Variants in PRRX1 observed in about 807,000 individuals in gnomAD.
The protein encoded by PRRX1 is paired mesoderm homeobox protein 1.
Under a neutral mutation model 24.0 loss-of-function variants are expected in PRRX1, and 8 were observed. The observed-to-expected ratio is 0.33, with a 90% CI of 0.20 to 0.60. The LOEUF (loss-of-function observed/expected upper bound fraction) is 0.60, where lower values mean the gene tolerates loss of function less well. Ranked by LOEUF, PRRX1 falls within the 20% of genes least tolerant of loss-of-function variation. The pLI is 0.82. For missense variants in PRRX1, 281 were observed against 322.4 expected, an observed-to-expected ratio of 0.87 and a Z score of 0.98; for synonymous variants, 160 against 131.7, an observed-to-expected ratio of 1.22 and a Z score of -1.47.
At chr1:170,698,208 C>A (rs893066807) in intron 1 of PRRX1, among the ~76,000 whole-genome samples, 6 of 152,100 alleles carry the variant, frequency 3.9e-5, no homozygotes, top group Admixed American at 3.3e-4. Context: ...ACTCCAGGAC[C>A]ATTTCAAACC....
chr1:170,663,936 C>T (rs575076186), upstream of PRRX1: 327 of 451,334 alleles, frequency 7.2e-4, 1 homozygote, highest in Non-Finnish European at 1.0e-3. Context: ...TGTGGATTAT[C>T]TCTTTGGACC....
At position 170,732,537 on chromosome 1, in the gene PRRX1, G is replaced by C. The variant is rs575536164; in HGVS notation, c.600-3511G>C. On this transcript the variant is annotated intron_variant, in intron 3 of 3. Coordinates refer to ENST00000239461, the MANE Select transcript of PRRX1 (RefSeq NM_022716.4). The stretch of plus-strand genomic sequence containing the variant: ...TCCAAGGACTGCTCACTGCTTGCCT[G>C]TATGGCACCCTTAGCTCAAATTGAG... 7.2e-5 allele frequency among the ~76,000 whole-genome samples: 11 copies of C among 152,274 alleles called. No individual in the cohort carries two copies. In the East Asian group the frequency reaches 2.1e-3, roughly 29 times the overall value.
intron 1 of PRRX1, chr1:170,668,498 G>A (rs536707613): frequency 6.6e-6 from 1 of 152,354 alleles, no homozygotes; most frequent in African/African-American, 2.4e-5. Context: ...TGCACCCGGC[G>A]CAGCTGGCTC....
rs1267656118 is a variant in PRRX1 at position 170,738,491 on chromosome 1, C to T, written c.*2305C>T. On this transcript the variant is annotated 3_prime_UTR_variant, in exon 4 of 4. Coordinates refer to ENST00000239461, the MANE Select transcript of PRRX1 (RefSeq NM_022716.4). ...CTGAACAGCACGCATTACTTGCTTCCTGAAGAGTTCCCCCATTCATCCATT... is the reference window on the plus strand; with the variant it reads ...CTGAACAGCACGCATTACTTGCTTCTTGAAGAGTTCCCCCATTCATCCATT... The T allele has an allele frequency of 4.4e-6, 1 of 228,758 alleles. No individual in the cohort carries two copies. Among genetic ancestry groups the T allele is most frequent in the Non-Finnish European group, 8.7e-6 (1 of 115,390 alleles). The allele number at this position is 228,758 out of a possible 1,614,324, so 14.2% of individuals were successfully genotyped here.
intron 1 of PRRX1, among the ~76,000 whole-genome samples, chr1:170,717,092 T>C (rs1654929365): frequency 6.6e-6 from 1 of 152,258 alleles, no homozygotes; most frequent in Non-Finnish European, 1.5e-5. Flanking sequence ...CCAGACTCCC[T>C]GGATCCCTGT....
Position 170,681,065 on chromosome 1 carries a change from G to A in PRRX1, c.241+16606G>A, listed in dbSNP as rs183939610. ...GATTCCACTTAACTTGTGCCTTTGG[G>A]TCTCTTAATGGAAGAAGGGAACTAA... On this transcript the variant is annotated intron_variant, in intron 1 of 3. Coordinates refer to ENST00000239461, the MANE Select transcript of PRRX1 (RefSeq NM_022716.4). Among the ~76,000 whole-genome samples the A allele has an allele frequency of 3.0e-3, 463 of 152,276 alleles. 2 individuals are homozygous for A. The highest frequency in any genetic ancestry group is 4.0e-3 in the Non-Finnish European group (270 of 68,012).
In PRRX1 at chr1:170,666,454, C is replaced by T. The variant is rs146111196; in HGVS notation, c.241+1995C>T. Reference sequence around the variant, plus strand: ...AAAAAAAAAAAAGTAGGGAGAACAGCATTTGGTGTAGACCCCAGCTTCACC... The same window carrying T: ...AAAAAAAAAAAAGTAGGGAGAACAGTATTTGGTGTAGACCCCAGCTTCACC... On this transcript the variant is annotated intron_variant, in intron 1 of 3. Coordinates refer to ENST00000239461, the MANE Select transcript of PRRX1 (RefSeq NM_022716.4). Among the ~76,000 whole-genome samples the T allele has an allele frequency of 4.0e-3, 594 of 148,758 alleles. 9 individuals carry two copies. Among genetic ancestry groups the T allele is most frequent in the Non-Finnish European group, 6.3e-3 (425 of 67,466 alleles).
intron 1 of PRRX1, among the ~76,000 whole-genome samples, chr1:170,714,598 T>G (rs1327320915): frequency 6.6e-6 from 1 of 152,202 alleles, no homozygotes; most frequent in East Asian, 1.9e-4. Flanking sequence ...GGCTGACCAA[T>G]GATTTGGAAT....
At chr1:170,727,350 A>T (rs1246960395) in intron 3 of PRRX1, 1 of 152,168 alleles carries the variant, frequency 6.6e-6, no homozygotes, top group Non-Finnish European at 1.5e-5. Flanking sequence ...TTGAAAATAT[A>T]CCTGAGTACT....
intron 1 of PRRX1, among the ~76,000 whole-genome samples, chr1:170,677,839 G>T (rs1462723715): frequency 2.0e-5 from 3 of 152,098 alleles, no homozygotes; most frequent in Non-Finnish European, 2.9e-5. Context: ...ATTTTACAGG[G>T]ATTTAAGATG....
intron 2 of PRRX1, among the ~76,000 whole-genome samples, chr1:170,722,326 G>A (rs1460311634): frequency 1.3e-5 from 2 of 152,182 alleles, no homozygotes; most frequent in East Asian, 1.9e-4. Flanking sequence ...CCTCTTGGAT[G>A]GAGGCCATGT....
upstream of PRRX1, chr1:170,664,045 A>AT (rs11286665): frequency 0.22 from 117,147 of 537,150 alleles, 5,598 homozygotes; most frequent in South Asian, 0.32. Flanking sequence ...CTCTTTTCCA[A>AT]TTTTTTTTTT....
At position 170,664,148 on chromosome 1, in the gene PRRX1, C is replaced by T. The variant is rs529171039; in HGVS notation, c.-71C>T. 2.0e-6 allele frequency: 3 copies of T among 1,510,694 alleles called. No homozygotes were observed. The highest frequency in any genetic ancestry group is 1.4e-5 in the African/African-American group (1 of 72,866). The allele number at this position is 1,510,694 out of a possible 1,614,324, so 93.6% of individuals were successfully genotyped here. On this transcript the variant is annotated 5_prime_UTR_variant, in exon 1 of 4. Transcript: ENST00000239461. ...TCTTCCCCACTCGGCTCCTCTCCCC[C>T]CTCGCGCCCACAGCGTTTGGTGTTG...
chr1:170,667,616 G>A (rs943664293), intron 1 of PRRX1: 1 of 152,184 alleles, frequency 6.6e-6, no homozygotes, highest in East Asian at 1.9e-4. Flanking sequence ...CAGGGAAGAG[G>A]GGAGTGTCTC....
At chr1:170,673,579 C>T (rs1409870039) in intron 1 of PRRX1, among the ~76,000 whole-genome samples, 1 of 152,240 alleles carries the variant, frequency 6.6e-6, no homozygotes, top group Admixed American at 6.5e-5. Flanking sequence ...CTTCAAGACT[C>T]TCCATTGGAG....
chr1:170,685,903 C>T (rs1443732449), intron 1 of PRRX1, among the ~76,000 whole-genome samples: 1 of 151,506 alleles, frequency 6.6e-6, no homozygotes, highest in Non-Finnish European at 1.5e-5. Context: ...TTTTACAAGT[C>T]AGACTATTGA....
chr1:170,669,653 A>T (rs548040221), intron 1 of PRRX1, among the ~76,000 whole-genome samples: 1 of 151,804 alleles, frequency 6.6e-6, no homozygotes, highest in Non-Finnish European at 1.5e-5. Context: ...CCATCAGCCT[A>T]CCACACCACC....
At chr1:170,682,875 C>T (rs1330557169) in intron 1 of PRRX1, among the ~76,000 whole-genome samples, 1 of 152,178 alleles carries the variant, frequency 6.6e-6, no homozygotes. Flanking sequence ...GGAGAGCTAA[C>T]TATGTAGAGA....
chr1:170,720,860 A>G (rs1655059170), intron 2 of PRRX1, among the ~76,000 whole-genome samples: 1 of 152,226 alleles, frequency 6.6e-6, no homozygotes, highest in Non-Finnish European at 1.5e-5. Context: ...CTAGAACATG[A>G]TACAACCTGC....
Sources: allele counts gnomAD v4.1 joint callset (sites outside exome capture counted in the v4.1 genomes callset), GRCh38; gene constraint gnomAD v4.1.1; transcripts MANE v1.5; gene names NCBI Gene and HGNC (gene_info 2026-07-23, HGNC 2026-07-21).